Variants in COA1 observed in about 807,000 individuals in gnomAD.
COA1 encodes the protein cytochrome c oxidase assembly factor 1 homolog.
In COA1, 13 loss-of-function variants were observed where a neutral mutation model predicts 16.0. The observed-to-expected ratio is 0.81, with a 90% confidence interval of 0.53 to 1.29. The LOEUF (loss-of-function observed/expected upper bound fraction) is 1.29, where lower values mean the gene tolerates loss of function less well. Among genes scored for constraint, COA1 ranks in the 50% most tolerant of loss-of-function variants. COA1 has a pLI of 0.00. For synonymous variants in COA1, 65 were observed against 65.7 expected, an observed-to-expected ratio of 0.99 and a Z score of 0.05; for missense variants, 179 against 177.0, an observed-to-expected ratio of 1.01 and a Z score of -0.06.
At chr7:43,683,591 G>A (rs762245030) in intron 1 of COA1, among the ~76,000 whole-genome samples, 50 of 151,912 alleles carry the variant, frequency 3.3e-4, no homozygotes, top group Non-Finnish European at 4.9e-4. Flanking sequence ...TCAAGATTGC[G>A]CCACTGCACT....
At chr7:43,725,891 A>G (rs2095607644) in intron 1 of COA1, among the ~76,000 whole-genome samples, 2 of 150,494 alleles carry the variant, frequency 1.3e-5, no homozygotes, top group African/African-American at 4.9e-5. Flanking sequence ...TATACTATAT[A>G]TATTACTACT....
intron 6 of COA1, among the ~76,000 whole-genome samples, chr7:43,614,669 G>C (rs1258185461): frequency 6.6e-6 from 1 of 152,184 alleles, no homozygotes; most frequent in Non-Finnish European, 1.5e-5. Context: ...CCATGAAATA[G>C]CTCTGATTTT....
chr7:43,691,419 GAAAAAGAAAGAA>G (rs1225764687), intron 1 of COA1, among the ~76,000 whole-genome samples: 1 of 82,222 alleles, frequency 1.2e-5, no homozygotes, highest in African/African-American at 4.7e-5. Flanking sequence ...AAGGAAGAAA[GAAAAAGAAAGAA>G]AGAAAGAAAG....
At chr7:43,655,762 C>T (rs2091619416) in intron 1 of COA1, among the ~76,000 whole-genome samples, 1 of 152,218 alleles carries the variant, frequency 6.6e-6, no homozygotes, top group South Asian at 2.1e-4. Context: ...ATCCAACTGG[C>T]TGTATGACTC....
intron 4 of COA1, among the ~76,000 whole-genome samples, chr7:43,644,444 A>G (rs1355340114): frequency 2.0e-5 from 3 of 152,230 alleles, no homozygotes; most frequent in Non-Finnish European, 4.4e-5. Flanking sequence ...CTGTGGAAGC[A>G]ATGTAAATAA....
intron 1 of COA1, chr7:43,711,279 T>C (rs1320974043): frequency 2.0e-5 from 3 of 152,054 alleles, no homozygotes; most frequent in African/African-American, 4.8e-5. Context: ...GTTAACTCAA[T>C]GTAGGGAAAT....
At chr7:43,628,702 T>C (rs1291280392) in intron 6 of COA1, among the ~76,000 whole-genome samples, 4 of 152,190 alleles carry the variant, frequency 2.6e-5, no homozygotes, top group Non-Finnish European at 5.9e-5. Flanking sequence ...TGATGACTAA[T>C]GGACAGTACT....
chr7:43,648,950 A>G (rs1358164459), intron 1 of COA1: 2 of 274,394 alleles, frequency 7.3e-6, no homozygotes, highest in East Asian at 1.5e-4. Context: ...TGCTTTGACC[A>G]CAGCACAAAC....
chr7:43,633,856 G>A (rs1345653733), intron 6 of COA1, among the ~76,000 whole-genome samples: 1 of 151,088 alleles, frequency 6.6e-6, no homozygotes, highest in Admixed American at 6.6e-5. Flanking sequence ...CTCTTTCTTA[G>A]AGCCATGATT....
intron 4 of COA1, among the ~76,000 whole-genome samples, chr7:43,644,696 TATAGATAGATAGATTAGATAGATAGATAG>T (rs141368131): frequency 0.025 from 2,575 of 101,954 alleles, 95 homozygotes; most frequent in Non-Finnish European, 0.032. Context: ...CTGGCTAAAT[TATAGATAGATAGATTAGATAGATAGATAG>T]ATAGATAGAT....
exon 7 of COA1, chr7:43,608,544 T>G (rs547606706): frequency 1.1e-6 from 1 of 886,494 alleles, no homozygotes; most frequent in African/African-American, 1.7e-5. Flanking sequence ...ACTCCTATCC[T>G]CTAGCCAGTT....
intron 1 of COA1, among the ~76,000 whole-genome samples, chr7:43,713,077 C>G (rs886253066): frequency 6.6e-6 from 1 of 152,160 alleles, no homozygotes; most frequent in African/African-American, 2.4e-5. Context: ...CTCAGCCTCC[C>G]AAATAGCTGG....
chr7:43,626,473 TACA>T, intron 6 of COA1: 1 of 152,230 alleles, frequency 6.6e-6, no homozygotes, highest in East Asian at 1.9e-4. Context: ...GCTTTATTTA[TACA>T]GTTTCCTGGA....
At chr7:43,720,826 T>A (rs2095492544) in intron 1 of COA1, among the ~76,000 whole-genome samples, 2 of 152,210 alleles carry the variant, frequency 1.3e-5, no homozygotes, top group African/African-American at 2.4e-5. Context: ...TTTGGATGGG[T>A]TAGCTTCGAA....
At chr7:43,709,148 C>G (rs889733540) in intron 1 of COA1, among the ~76,000 whole-genome samples, 4 of 151,810 alleles carry the variant, frequency 2.6e-5, no homozygotes, top group Non-Finnish European at 5.9e-5. Context: ...CTCAGCCTAC[C>G]GAGTAGCTGG....
intron 1 of COA1, chr7:43,650,537 G>A (rs566136884): frequency 1.4e-4 from 22 of 152,140 alleles, no homozygotes; most frequent in African/African-American, 4.3e-4. Context: ...TATTTGACAC[G>A]GCTTCCTATC....
At chr7:43,720,621 A>G (rs543689128) in intron 1 of COA1, among the ~76,000 whole-genome samples, 11 of 152,326 alleles carry the variant, frequency 7.2e-5, no homozygotes, top group African/African-American at 1.7e-4. Flanking sequence ...TGTTCTGTGC[A>G]ACGAGAGAGG....
intron 1 of COA1, among the ~76,000 whole-genome samples, chr7:43,678,462 A>C (rs956398450): frequency 3.3e-5 from 5 of 152,214 alleles, no homozygotes; most frequent in African/African-American, 1.2e-4. Context: ...CAAGCAGCAA[A>C]AGAACAAAAT....
At chr7:43,708,320 G>A (rs925338831) in intron 1 of COA1, among the ~76,000 whole-genome samples, 11 of 152,290 alleles carry the variant, frequency 7.2e-5, no homozygotes, top group Non-Finnish European at 1.6e-4. Context: ...AGTTAGCTGG[G>A]TGTGGTGGCA....
Sources: gnomAD v4.1 joint callset for allele counts (sites outside exome capture counted in the v4.1 genomes callset) on GRCh38, gnomAD v4.1.1 for gene constraint, MANE v1.5 for transcripts, NCBI Gene and HGNC (gene_info 2026-07-23, HGNC 2026-07-21) for gene names.